Variants in PWWP3A observed in about 807,000 individuals in gnomAD.
PWWP3A encodes PWWP domain-containing DNA repair factor 3A.
In PWWP3A, 53 loss-of-function variants were observed where a neutral mutation model predicts 79.0. The ratio of observed to expected loss-of-function variants is 0.67; its 90% CI spans 0.54 to 0.84. The LOEUF is 0.84. Among genes scored for constraint, PWWP3A ranks in the 40% least tolerant of loss-of-function variants. The pLI, the probability that PWWP3A is intolerant of heterozygous loss-of-function variation, is 0.00. For synonymous variants in PWWP3A, 443 were observed against 394.4 expected (o/e 1.12, Z -1.46); for missense variants, 973 against 948.0 (o/e 1.03, Z -0.35).
At chr19:1,361,653 C>T (rs546106918) in intron 5 of PWWP3A, among the ~76,000 whole-genome samples, 2 of 152,332 alleles carry the variant, frequency 1.3e-5, no homozygotes, top group Non-Finnish European at 2.9e-5. Flanking sequence ...CTCTGAACTT[C>T]TTTCCTGAGG....
Position 1,364,600 on chromosome 19 carries a change from C to T in PWWP3A, c.1284+21C>T, listed in dbSNP as rs199731075. On this transcript the variant is annotated intron_variant, in intron 7 of 13. Coordinates refer to ENST00000591337, the MANE Select transcript of PWWP3A (RefSeq NM_001369789.1). The stretch of plus-strand genomic sequence containing the variant: ...CAGTGGTAAGAACAGCTTCCTCCGT[C>T]TTCTCAGATGTAGTTACTTAAATTT... 67 of 1,548,410 alleles carry T rather than the reference C, an allele frequency of 4.3e-5. 1 individual carries two copies. In the African/African-American group the frequency reaches 8.0e-4, roughly 19 times the overall value.
chr19:1,365,817 G>A (rs926371065), intron 7 of PWWP3A, among the ~76,000 whole-genome samples: 1 of 152,388 alleles, frequency 6.6e-6, no homozygotes, highest in South Asian at 2.1e-4. Context: ...CATCGGAGGC[G>A]CTGGTCGCCA....
At position 1,357,041 on chromosome 19, in the gene PWWP3A, TAA is replaced by T. The variant is rs1568924474; in HGVS notation, c.91_92del (p.Lys31GlufsTer19). 2 of 1,613,352 alleles carry T rather than the reference TAA, an allele frequency of 1.2e-6. No individual in the cohort carries two copies. Among genetic ancestry groups the T allele is most frequent in the Non-Finnish European group, 1.7e-6 (2 of 1,179,846 alleles). On this transcript the variant is annotated frameshift_variant, in exon 3 of 14. Transcript: ENST00000591337. LOFTEE classifies it high-confidence loss of function. ...LARTATSTKN[K>X]RRKEYFLAVQ... The stretch of plus-strand genomic sequence containing the variant: ...CCCGAACCGCGACTTCAACAAAAAA[TAA>T]GAGAAGAAAGGAATATTTTCTAGCT...
chr19:1,355,513 G>T (rs1300773832), intron 1 of PWWP3A, among the ~76,000 whole-genome samples: 4 of 83,346 alleles, frequency 4.8e-5, no homozygotes, highest in African/African-American at 2.1e-4. Context: ...CCCCATCCCT[G>T]CCACCTGGAC....
intron 13 of PWWP3A, among the ~76,000 whole-genome samples, chr19:1,376,295 G>GTGT (rs2082393468): frequency 4.5e-5 from 3 of 67,046 alleles, no homozygotes; most frequent in South Asian, 1.3e-3. Context: ...CCGGCTGTTT[G>GTGT]TTTTTTTTTT....
At position 1,363,166 on chromosome 19, in the gene PWWP3A, C is replaced by T. The variant is rs74992900; in HGVS notation, c.1213+815C>T. 9.3e-3 allele frequency among the ~76,000 whole-genome samples: 1,420 copies of T among 152,356 alleles called. 29 individuals are homozygous for T. Among genetic ancestry groups the T allele is most frequent in the African/African-American group, 0.032 (1,348 of 41,578 alleles). On this transcript the variant is annotated intron_variant, in intron 6 of 13. Transcript: ENST00000591337. ...GCTGGTGCGTGTGCAGCCTCGGGAG[C>T]GCCATTCCACGCACACTTGCGTGCC...
intron 13 of PWWP3A, among the ~76,000 whole-genome samples, chr19:1,375,108 A>G (rs1380485674): frequency 6.6e-6 from 1 of 150,842 alleles, no homozygotes; most frequent in African/African-American, 2.4e-5. Flanking sequence ...AGTCAGTCCC[A>G]GCTACTCAGC....
Position 1,378,397 on chromosome 19 carries a change from T to C in PWWP3A, c.*1821T>C, listed in dbSNP as rs1245828924. 1 of 152,278 alleles carries C rather than the reference T, an allele frequency of 6.6e-6. No homozygotes were observed. The highest frequency in any genetic ancestry group is 1.9e-4 in the East Asian group (1 of 5,194). The allele number at this position is 152,278 out of a possible 1,614,324, so 9.4% of individuals were successfully genotyped here. A position where few individuals can be genotyped will look rare whatever the true frequency, so the allele number is the denominator to read the frequency against. The stretch of plus-strand genomic sequence containing the variant: ...TTGCTTCTCTGCTGACCTTGCCAAG[T>C]TGTTCGAGGTGGAATTAAACACCTC... On this transcript the variant is annotated 3_prime_UTR_variant, in exon 14 of 14. Coordinates refer to ENST00000591337, the MANE Select transcript of PWWP3A (RefSeq NM_001369789.1).
rs1284282803 is a variant in PWWP3A, at chr19:1,376,708, C to A, written c.*132C>A. On this transcript the variant is annotated 3_prime_UTR_variant, in exon 14 of 14. Coordinates refer to ENST00000591337, the MANE Select transcript of PWWP3A (RefSeq NM_001369789.1). Reference sequence around the variant, plus strand: ...CCTGTCTGTGCGTTCTCCTGCGTGGCAGTCCTGATTTCCATGCTTCTGGAG... The same window carrying A: ...CCTGTCTGTGCGTTCTCCTGCGTGGAAGTCCTGATTTCCATGCTTCTGGAG... 1 of 720,582 alleles carries A rather than the reference C, an allele frequency of 1.4e-6. No individual in the cohort carries two copies. Among genetic ancestry groups the A allele is most frequent in the South Asian group, 1.8e-5 (1 of 56,446 alleles). The allele number at this position is 720,582 out of a possible 1,614,324, so 44.6% of individuals were successfully genotyped here.
intron 8 of PWWP3A, 48 bp downstream of exon 8, chr19:1,366,429 CG>C (rs1410441292): frequency 1.3e-6 from 2 of 1,547,660 alleles, no homozygotes; most frequent in Non-Finnish European, 1.8e-6. Context: ...GGGGCCAGGC[CG>C]GCCGCTCTCA....
In PWWP3A at chr19:1,371,012, G is replaced by A. The variant is rs1477619993; in HGVS notation, c.1920G>A (p.Gly640=). The change falls in exon 12 of 14, where the codon GGG becomes GGA. Residue 640 remains glycine, a synonymous_variant. Transcript: ENST00000591337. ...KYLQGVYQEV[G]AKVLQRTNGD... ...TGCAGGGCGTCTACCAGGAGGTGGG[G>A]GCCAAGGTGCTCCAGCGCACCAACG... 3 of 1,573,490 alleles carry A rather than the reference G, an allele frequency of 1.9e-6. No homozygotes were observed. Among genetic ancestry groups the A allele is most frequent in the Non-Finnish European group, 2.6e-6 (3 of 1,159,262 alleles).
At chr19:1,362,518 C>T (rs1303178658) in intron 6 of PWWP3A, among the ~76,000 whole-genome samples, 167 bp downstream of exon 6, 2 of 152,186 alleles carry the variant, frequency 1.3e-5, no homozygotes, top group Non-Finnish European at 2.9e-5. Context: ...GTCACGTTTT[C>T]AGTCCTCTAT....
At chr19:1,376,311 G>GTTTTTTTTTTTTTTTTTT (rs371207367) in intron 13 of PWWP3A, among the ~76,000 whole-genome samples, 1 of 69,890 alleles carries the variant, frequency 1.4e-5, no homozygotes, top group Non-Finnish European at 2.5e-5. Flanking sequence ...TTTTTTGTTT[G>GTTTTTTTTTTTTTTTTTT]TTTTTTTTTT....
Position 1,369,335 on chromosome 19 carries a change from G to A in PWWP3A, c.1493G>A (p.Arg498Gln), listed in dbSNP as rs765518411. The A allele has an allele frequency of 5.0e-6, 8 of 1,613,674 alleles. No individual in the cohort carries two copies. The highest frequency in any genetic ancestry group is 6.8e-6 in the Non-Finnish European group (8 of 1,180,000). ...CVSLITDYRV[R>Q]LGCGSFAGSF... ...TCCCTCATCACCGACTACAGGGTCCGGTTAGGTACGTGGGGTGCTGGGGAG... is the reference window on the plus strand; with the variant it reads ...TCCCTCATCACCGACTACAGGGTCCAGTTAGGTACGTGGGGTGCTGGGGAG... The change falls in exon 10 of 14, where the codon CGG becomes CAG. Residue 498 changes from arginine (R) to glutamine (Q), a missense_variant. By Grantham distance (43) the Arg-to-Gln change is conservative. Coordinates refer to ENST00000591337, the MANE Select transcript of PWWP3A (RefSeq NM_001369789.1). This position sits in a 1 kb window ranked among gnomAD's most constrained non-coding sequence, Gnocchi z 4.0.
Position 1,360,094 on chromosome 19 carries a change from G to A in PWWP3A, c.215-42G>A, listed in dbSNP as rs766187231. 10 of 1,508,880 alleles carry A rather than the reference G, an allele frequency of 6.6e-6. No individual in the cohort carries two copies. In the South Asian group the frequency reaches 1.3e-4, roughly 20 times the overall value. The allele number at this position is 1,508,880 out of a possible 1,614,324, so 93.5% of individuals were successfully genotyped here. ...GCGATGCCGTGACCGCAGTGCCTGT[G>A]CAGTGAACGTAACCGGCATTGTGTA... On this transcript the variant is annotated intron_variant, in intron 4 of 13. Coordinates refer to ENST00000591337, the MANE Select transcript of PWWP3A (RefSeq NM_001369789.1). This position sits in a 1 kb window ranked among gnomAD's most constrained non-coding sequence, Gnocchi z 4.4.
In PWWP3A at chr19:1,360,692, C is replaced by T. The variant is rs367582248; in HGVS notation, c.771C>T (p.Ser257=). Residue 257 remains serine (S), a synonymous_variant, in exon 5 of 14, where the codon TCC becomes TCT. Transcript: ENST00000591337. The surrounding 1 kb of genome is among the most constrained non-coding windows in gnomAD (Gnocchi z 4.4). Reference sequence around the variant, plus strand: ...GCTGGGCAGCCCCGTCCTTGCCCTCCGGGGTCAGGGAGGACGATCCCTGTG... The same window carrying T: ...GCTGGGCAGCCCCGTCCTTGCCCTCTGGGGTCAGGGAGGACGATCCCTGTG... ...GGSWAAPSLP[S]GVREDDPCAN... 33 of 1,613,288 alleles carry T rather than the reference C, an allele frequency of 2.0e-5. No individual in the cohort carries two copies. Among genetic ancestry groups the T allele is most frequent in the East Asian group, 1.1e-4 (5 of 44,890 alleles).
rs997459003 is a variant in PWWP3A at position 1,364,434 on chromosome 19, G to A, written c.1214-75G>A. 17 of 1,112,706 alleles carry A rather than the reference G, an allele frequency of 1.5e-5. No homozygotes were observed. The African/African-American group carries it at 2.7e-4, about 18-fold the overall frequency. 68.9% of individuals were successfully genotyped at this position (1,112,706 alleles called of 1,614,324 possible). On this transcript the variant is annotated intron_variant, in intron 6 of 13. Coordinates refer to ENST00000591337, the MANE Select transcript of PWWP3A (RefSeq NM_001369789.1). ...CGTGCTAACTGTGTTTTCTCAGGCT[G>A]TTACACCTGGTGCTTGATATGGATT...
At chr19:1,370,518 G>A (rs995651167) in intron 11 of PWWP3A, 124 bp from the exon 12 acceptor site, 7 of 855,034 alleles carry the variant, frequency 8.2e-6, no homozygotes, top group African/African-American at 3.4e-5. Flanking sequence ...GTGCTAACAC[G>A]GAGCTCGATC....
intron 6 of PWWP3A, 39 bp from the exon 7 acceptor site, chr19:1,364,470 A>C (rs751210632): frequency 1.3e-6 from 2 of 1,494,220 alleles, no homozygotes; most frequent in African/African-American, 2.8e-5. Context: ...TGACTTGTCT[A>C]TTCTTTTTTT....
Sources: allele counts gnomAD v4.1 joint callset (sites outside exome capture counted in the v4.1 genomes callset), GRCh38; gene constraint gnomAD v4.1.1; non-coding constraint Gnocchi (gnomAD v3.1); transcripts MANE v1.5; gene names NCBI Gene and HGNC (gene_info 2026-07-23, HGNC 2026-07-21).